Variants in ANO1 observed in about 807,000 individuals in gnomAD.
ANO1 encodes anoctamin-1.
Under a neutral mutation model 124.0 loss-of-function variants are expected in ANO1, and 59 were observed. The observed-to-expected ratio is 0.48, with a 90% CI of 0.39 to 0.59. The LOEUF (loss-of-function observed/expected upper bound fraction) is 0.59. Ranked by LOEUF, ANO1 falls within the 20% of genes least tolerant of loss-of-function variation. The pLI, the probability that ANO1 is intolerant of heterozygous loss-of-function variation, is 0.00. For synonymous variants in ANO1, 529 were observed against 532.0 expected, an observed-to-expected ratio of 0.99 and a Z score of 0.08; for missense variants, 1,059 against 1,328.0, an observed-to-expected ratio of 0.80 and a Z score of 3.15.
intron 1 of ANO1, among the ~76,000 whole-genome samples, chr11:70,071,667 A>T (rs1339930965): frequency 2.0e-5 from 3 of 152,074 alleles, no homozygotes; most frequent in African/African-American, 7.2e-5. Flanking sequence ...TCTGTCACCC[A>T]GGCTGAAGTG....
upstream of ANO1, among the ~76,000 whole-genome samples, chr11:69,981,038 C>T (rs547780157): frequency 5.9e-5 from 9 of 152,132 alleles, no homozygotes; most frequent in East Asian, 1.9e-4. Context: ...GTGACAGGAG[C>T]GAGACTCCTT....
At chr11:70,152,593 C>A in intron 13 of ANO1, 132 bp downstream of exon 13, 1 of 1,049,546 alleles carries the variant, frequency 9.5e-7, no homozygotes, top group Non-Finnish European at 1.4e-6. Context: ...TCTCTGCTTT[C>A]TCCCCACCTC....
At position 70,095,419 on chromosome 11, in the gene ANO1, AAAGAAAGAAAAGAAAAG is replaced by A. The variant is rs1477885785; in HGVS notation, c.441+7338_441+7354del. On this transcript the variant is annotated intron_variant, in intron 2 of 25. Coordinates refer to ENST00000355303, the MANE Select transcript of ANO1 (RefSeq NM_018043.7). ...GAAAGAAAGAAAGAAAGAAAGAAAG[AAAGAAAGAAAAGAAAAG>A]AAAGAAAGAGGGAAAGAAAATTCAT... is the stretch of plus-strand genomic sequence containing the variant. 7.3e-4 allele frequency among the ~76,000 whole-genome samples: 7 copies of A among 9,616 alleles called. 1 individual carries two copies. The highest frequency in any genetic ancestry group is 1.2e-3 in the African/African-American group (6 of 5,158). 6.3% of individuals were successfully genotyped at this position (9,616 alleles called of 152,430 possible).
intron 1 of ANO1, among the ~76,000 whole-genome samples, chr11:70,017,347 C>A (rs1423436799): frequency 1.3e-5 from 2 of 152,188 alleles, no homozygotes; most frequent in African/African-American, 2.4e-5. Context: ...CAGCCCAGAG[C>A]GTGTTTCCCA....
At chr11:70,182,208 C>T (rs1257352659) in intron 23 of ANO1, among the ~76,000 whole-genome samples, 1 of 152,204 alleles carries the variant, frequency 6.6e-6, no homozygotes, top group Non-Finnish European at 1.5e-5. Context: ...GGTGATTTGC[C>T]CAAGGCCACA....
the ANO1 span, among the ~76,000 whole-genome samples, chr11:69,973,525 G>A: frequency 6.6e-6 from 1 of 152,206 alleles, no homozygotes; most frequent in South Asian, 2.1e-4. Flanking sequence ...ATCCTTGCTA[G>A]GCGGTGCGAG....
At chr11:70,097,936 G>A (rs1283659222) in intron 2 of ANO1, among the ~76,000 whole-genome samples, 3 of 152,314 alleles carry the variant, frequency 2.0e-5, no homozygotes, top group East Asian at 1.9e-4. Context: ...TGGTGCCAAC[G>A]GGGAGAGACA....
intron 24 of ANO1, among the ~76,000 whole-genome samples, 170 bp from the exon 25 acceptor site, chr11:70,185,420 A>G (rs536790663): frequency 6.6e-6 from 1 of 151,848 alleles, no homozygotes; most frequent in African/African-American, 2.4e-5. Flanking sequence ...GTGGAGAGAG[A>G]CTCCGTGGGT....
intron 24 of ANO1, 131 bp downstream of exon 24, chr11:70,182,817 A>T: frequency 2.1e-6 from 1 of 486,560 alleles, no homozygotes; most frequent in Non-Finnish European, 3.0e-6. Flanking sequence ...AAGAAGAAGG[A>T]AAAAAAAAAA....
intron 14 of ANO1, among the ~76,000 whole-genome samples, chr11:70,154,560 A>G (rs2047732608): frequency 7.5e-6 from 1 of 133,892 alleles, no homozygotes; most frequent in South Asian, 2.4e-4. Flanking sequence ...TCTGCCTCCC[A>G]GGTTCACGCC....
At chr11:70,149,918 C>T (rs1310121551) in intron 12 of ANO1, 126 bp downstream of exon 12, 10 of 1,025,168 alleles carry the variant, frequency 9.8e-6, no homozygotes, top group Admixed American at 2.0e-5. Flanking sequence ...GAGGCAAGGC[C>T]GCCCCCCATC....
At chr11:70,187,119 C>A (rs2049161684) in intron 25 of ANO1, among the ~76,000 whole-genome samples, 1 of 152,234 alleles carries the variant, frequency 6.6e-6, no homozygotes, top group Non-Finnish European at 1.5e-5. Context: ...AGCAGCCAAC[C>A]CCAGCCCCAG....
At chr11:70,084,076 G>C (rs906070600) in intron 1 of ANO1, among the ~76,000 whole-genome samples, 2 of 152,116 alleles carry the variant, frequency 1.3e-5, no homozygotes, top group Admixed American at 6.5e-5. Flanking sequence ...CCTGGGGGAG[G>C]GGGAGAGGAG....
chr11:70,061,560 A>G (rs1555007755), intron 1 of ANO1, among the ~76,000 whole-genome samples: 2 of 141,608 alleles, frequency 1.4e-5, no homozygotes, highest in African/African-American at 5.3e-5. Flanking sequence ...TATTTCTCTG[A>G]AGCTCCCTTC....
At position 70,148,118 on chromosome 11, in the gene ANO1, G is replaced by T. The variant is rs2047452271; in HGVS notation, c.1259-1592G>T. ...ACCTCTGAACCAGGTTCACACCCAT[G>T]ACTTTCGTTCTTTCCTGCCACACGC... On this transcript the variant is annotated intron_variant, in intron 11 of 25. Transcript: ENST00000355303. Among the ~76,000 whole-genome samples, 3 of 152,130 alleles carry T rather than the reference G, an allele frequency of 2.0e-5. No individual in the cohort carries two copies. In the South Asian group the frequency reaches 6.2e-4, roughly 32 times the overall value.
chr11:70,156,713 G>C (rs778406491), intron 15 of ANO1, among the ~76,000 whole-genome samples: 2 of 152,172 alleles, frequency 1.3e-5, no homozygotes, highest in African/African-American at 2.4e-5. Flanking sequence ...AGTGTTAAAC[G>C]GTTCTTGCTC....
chr11:70,106,338 A>G (rs1342045463), intron 5 of ANO1, among the ~76,000 whole-genome samples: 1 of 152,242 alleles, frequency 6.6e-6, no homozygotes, highest in Admixed American at 6.5e-5. Flanking sequence ...GGGGCTGTGC[A>G]TGGCTCAGGA....
intron 1 of ANO1, among the ~76,000 whole-genome samples, chr11:70,030,754 A>G (rs1256836126): frequency 6.6e-6 from 1 of 152,210 alleles, no homozygotes; most frequent in Non-Finnish European, 1.5e-5. Context: ...TTGCCACGTA[A>G]GGCCACACAG....
At chr11:70,029,838 A>G (rs1388673261) in intron 1 of ANO1, among the ~76,000 whole-genome samples, 1 of 152,116 alleles carries the variant, frequency 6.6e-6, no homozygotes, top group African/African-American at 2.4e-5. Flanking sequence ...CTTGAGCTGC[A>G]TCACTCCAGC....
Sources: allele counts gnomAD v4.1 joint callset (sites outside exome capture counted in the v4.1 genomes callset), GRCh38; gene constraint gnomAD v4.1.1; transcripts MANE v1.5; gene names NCBI Gene and HGNC (gene_info 2026-07-23, HGNC 2026-07-21).